Variants in RNF180 observed in about 807,000 individuals in gnomAD.
The protein encoded by RNF180 is E3 ubiquitin-protein ligase RNF180.
A neutral mutation model predicts 59.2 loss-of-function variants in RNF180; 38 were observed. The ratio of observed to expected loss-of-function variants is 0.64; its 90% confidence interval spans 0.50 to 0.84. RNF180 has a LOEUF of 0.84. Among genes scored for constraint, RNF180 ranks in the 40% least tolerant of loss-of-function variants. RNF180 has a pLI of 0.00. For synonymous variants in RNF180, 262 were observed against 240.3 expected (o/e 1.09, Z -0.84); for missense variants, 705 against 700.9 (o/e 1.01, Z -0.07).
intron 7 of RNF180, among the ~76,000 whole-genome samples, chr5:64,366,032 T>G (rs1035496811): frequency 6.6e-6 from 1 of 151,580 alleles, no homozygotes; most frequent in Admixed American, 6.6e-5. Flanking sequence ...TTGTTTATTA[T>G]GCCAACCTGT....
chr5:64,278,703 A>G (rs1192331464), intron 5 of RNF180, among the ~76,000 whole-genome samples: 1 of 152,160 alleles, frequency 6.6e-6, no homozygotes, highest in Admixed American at 6.6e-5. Context: ...TATAGGTTTA[A>G]AGGAAAAGTT....
intron 5 of RNF180, among the ~76,000 whole-genome samples, chr5:64,232,818 A>G (rs1340740283): frequency 1.3e-5 from 2 of 152,226 alleles, no homozygotes; most frequent in African/African-American, 2.4e-5. Context: ...TATTCACTCA[A>G]TGTTCAAGGC....
intron 7 of RNF180, among the ~76,000 whole-genome samples, chr5:64,341,005 G>GT (rs1349603805): frequency 2.0e-5 from 3 of 151,276 alleles, no homozygotes; most frequent in African/African-American, 4.9e-5. Flanking sequence ...ACAATTTTTA[G>GT]TCTTTTCATT....
intron 5 of RNF180, among the ~76,000 whole-genome samples, chr5:64,224,062 G>GGTGTGT (rs10694125): frequency 0.011 from 1,597 of 141,426 alleles, 12 homozygotes; most frequent in Middle Eastern, 0.033. Context: ...TCTAGGTTGG[G>GGTGTGT]GTGTGTGTGT....
At chr5:64,368,238 T>C (rs2112619875) in intron 7 of RNF180, among the ~76,000 whole-genome samples, 1 of 151,870 alleles carries the variant, frequency 6.6e-6, no homozygotes, top group South Asian at 2.1e-4. Context: ...AAATAAGATA[T>C]TCTTCTTAGA....
chr5:64,230,593 T>C (rs918923562), intron 5 of RNF180, among the ~76,000 whole-genome samples: 2 of 152,250 alleles, frequency 1.3e-5, no homozygotes, highest in African/African-American at 2.4e-5. Flanking sequence ...AATCTCCTTA[T>C]TTTAATGTCA....
chr5:64,261,275 T>C (rs1439759252), intron 5 of RNF180, among the ~76,000 whole-genome samples: 1 of 152,144 alleles, frequency 6.6e-6, no homozygotes, highest in Admixed American at 6.6e-5. Context: ...AAAAAGAGAT[T>C]ATAAATGGTG....
Position 64,217,467 on chromosome 5 carries a change from C to A in RNF180, c.1227+71C>A, listed in dbSNP as rs1179828284. The A allele has an allele frequency of 6.1e-6, 8 of 1,321,812 alleles. No homozygotes were observed. The East Asian group carries it at 2.3e-4, about 37-fold the overall frequency. The allele number at this position is 1,321,812 out of a possible 1,614,324, so 81.9% of individuals were successfully genotyped here. On this transcript the variant is annotated intron_variant, in intron 5 of 7. Transcript: ENST00000389100. Reference sequence around the variant, plus strand: ...AGAATGGCTGTACCATTTTGCATTCCAAGCAGCAAAGACTTCCATTTTCTG... The same window carrying A: ...AGAATGGCTGTACCATTTTGCATTCAAAGCAGCAAAGACTTCCATTTTCTG...
chr5:64,218,498 ACC>A (rs1477143201), intron 5 of RNF180, among the ~76,000 whole-genome samples: 1 of 151,738 alleles, frequency 6.6e-6, no homozygotes, highest in African/African-American at 2.4e-5. Flanking sequence ...TTTTGTTAGT[ACC>A]CCTTTTTTCC....
intron 5 of RNF180, among the ~76,000 whole-genome samples, chr5:64,314,263 G>C (rs1580232373): frequency 6.7e-6 from 1 of 150,058 alleles, no homozygotes; most frequent in Non-Finnish European, 1.5e-5. Flanking sequence ...TTTCTCCTCT[G>C]TCCTAAAATC....
At chr5:64,322,602 C>CGTGTGTGTGTGTGTGTGTGT (rs76117470) in intron 5 of RNF180, among the ~76,000 whole-genome samples, 1 of 143,428 alleles carries the variant, frequency 7.0e-6, no homozygotes, top group East Asian at 2.1e-4. Flanking sequence ...TATATATATA[C>CGTGTGTGTGTGTGTGTGTGT]GTGTGTGTGT....
chr5:64,214,081 C>T lies in RNF180; in HGVS notation c.755C>T (p.Thr252Ile). ...LPTLYEIHSK[T>I]TAYSRLNETQ... ...ACTTTATATGAAATACATAGTAAGA[C>T]TACTGCCTATTCCAGACTAAATGAA... is the stretch of plus-strand genomic sequence containing the variant. The change falls in exon 4 of 8, where the codon ACT becomes ATT. Residue 252 changes from threonine (T) to isoleucine (I), a missense_variant. Coordinates refer to ENST00000389100, the MANE Select transcript of RNF180 (RefSeq NM_001113561.2). 2 of 1,613,842 alleles carry T rather than the reference C, an allele frequency of 1.2e-6. No individual in the cohort carries two copies. The highest frequency in any genetic ancestry group is 8.5e-7 in the Non-Finnish European group (1 of 1,179,768).
chr5:64,183,727 C>A (rs757029631), intron 1 of RNF180, among the ~76,000 whole-genome samples: 2 of 152,144 alleles, frequency 1.3e-5, no homozygotes, highest in Non-Finnish European at 2.9e-5. Flanking sequence ...GGGTTACAGG[C>A]GTGAGCCACT....
chr5:64,331,444 A>G (rs1744902635), intron 7 of RNF180, among the ~76,000 whole-genome samples: 1 of 152,038 alleles, frequency 6.6e-6, no homozygotes, highest in African/African-American at 2.4e-5. Context: ...TCCCCTCTTT[A>G]GCCCATAAAA....
chr5:64,257,556 C>G (rs897563314), intron 5 of RNF180, among the ~76,000 whole-genome samples: 1 of 152,174 alleles, frequency 6.6e-6, no homozygotes, highest in African/African-American at 2.4e-5. Context: ...ATGAAGCCCA[C>G]TTGATCATGG....
chr5:64,238,494 A>G (rs1742588073), intron 5 of RNF180, among the ~76,000 whole-genome samples: 1 of 152,134 alleles, frequency 6.6e-6, no homozygotes, highest in South Asian at 2.1e-4. Flanking sequence ...ACCCTCACTA[A>G]CATTTGTTGT....
chr5:64,289,105 T>A (rs1052276502), intron 5 of RNF180, among the ~76,000 whole-genome samples: 4 of 152,214 alleles, frequency 2.6e-5, no homozygotes. Context: ...CATAAAGGGA[T>A]GTTGAATTTT....
intron 2 of RNF180, among the ~76,000 whole-genome samples, chr5:64,211,405 G>A (rs912097698): frequency 5.9e-5 from 9 of 152,032 alleles, no homozygotes; most frequent in African/African-American, 2.2e-4. Context: ...TTCTTCCTTG[G>A]CTAATTTATA....
rs139171669 is a variant in RNF180, at chr5:64,288,486, C to T, written c.1228-36700C>T. On this transcript the variant is annotated intron_variant, in intron 5 of 7. Transcript: ENST00000389100. ...CAATGAATCTATAAATTACTTGGAGCGGTATGGCCATTTTCACGATATGAT... is the reference window on the plus strand; with the variant it reads ...CAATGAATCTATAAATTACTTGGAGTGGTATGGCCATTTTCACGATATGAT... 6.2e-3 allele frequency among the ~76,000 whole-genome samples: 948 copies of T among 152,216 alleles called. 11 individuals are homozygous for T. Among genetic ancestry groups the T allele is most frequent in the African/African-American group, 0.022 (900 of 41,526 alleles).
Sources: gnomAD v4.1 joint callset for allele counts (sites outside exome capture counted in the v4.1 genomes callset) on GRCh38, gnomAD v4.1.1 for gene constraint, MANE v1.5 for transcripts, NCBI Gene and HGNC (gene_info 2026-07-23, HGNC 2026-07-21) for gene names.